The following TNS1 variants were observed in gnomAD, a reference collection of about 807,000 sequenced individuals.
TNS1 encodes tensin 1.
In TNS1, 62 loss-of-function variants were observed where a neutral mutation model predicts 168.6. That is an observed-to-expected ratio of 0.37 (90% CI 0.30 to 0.45). TNS1 has a LOEUF of 0.45. TNS1 is among the 20% of genes least tolerant of loss of function. TNS1 has a pLI of 1.00. For missense variants in TNS1, 2,240 were observed against 2,339.4 expected (o/e 0.96, Z 0.88); for synonymous variants, 934 against 933.2 (o/e 1.00, Z -0.02).
chr2:217,947,190 A>T (rs977608777), intron 3 of TNS1, among the ~76,000 whole-genome samples: 4 of 146,746 alleles, frequency 2.7e-5, no homozygotes, highest in Admixed American at 6.7e-5. Context: ...GCAGGATTGC[A>T]CATCTGGTTC....
upstream of TNS1, among the ~76,000 whole-genome samples, chr2:218,006,799 A>T (rs1958662137): frequency 6.6e-6 from 1 of 152,152 alleles, no homozygotes; most frequent in African/African-American, 2.4e-5. Context: ...AAATTGAAAA[A>T]ATACAAATTT....
At chr2:217,964,345 T>C (rs1182941768) in intron 3 of TNS1, among the ~76,000 whole-genome samples, 1 of 152,194 alleles carries the variant, frequency 6.6e-6, no homozygotes, top group African/African-American at 2.4e-5. Flanking sequence ...GCTGTGCAAC[T>C]TGTCCAGTGT....
intron 6 of TNS1, 71 bp from the exon 7 acceptor site, chr2:217,900,583 C>T: frequency 7.0e-7 from 1 of 1,436,352 alleles, no homozygotes; most frequent in South Asian, 1.2e-5. Flanking sequence ...CACCAGAGAG[C>T]TGTCCACGGG....
At chr2:217,994,350 T>G (rs1574469902) in intron 1 of TNS1, among the ~76,000 whole-genome samples, 2 of 149,092 alleles carry the variant, frequency 1.3e-5, no homozygotes, top group African/African-American at 2.5e-5. Context: ...GGCCTGGGGG[T>G]GGGGGAGGTG....
intron 4 of TNS1, among the ~76,000 whole-genome samples, chr2:217,907,792 G>A (rs1042116477): frequency 1.3e-5 from 2 of 152,232 alleles, no homozygotes; most frequent in Non-Finnish European, 2.9e-5. Context: ...CCCACCACTG[G>A]GCCTCACACA....
chr2:217,856,325 G>A (rs1362584583), intron 18 of TNS1, among the ~76,000 whole-genome samples: 2 of 152,166 alleles, frequency 1.3e-5, no homozygotes, highest in African/African-American at 4.8e-5. Context: ...CCCAGCATGT[G>A]GCTCCAGGAA....
chr2:217,851,604 A>AGGCCAGG (rs1553565859), intron 18 of TNS1, among the ~76,000 whole-genome samples: 6 of 152,232 alleles, frequency 3.9e-5, no homozygotes, highest in South Asian at 4.2e-4. Context: ...GTATTGCAGC[A>AGGCCAGG]GCCCAGGGCC....
rs1958909427 is a variant in TNS1 at position 218,032,944 on chromosome 2, T to G, written c.156+876A>C. 6.6e-6 allele frequency among the ~76,000 whole-genome samples: 1 copy of G among 152,056 alleles called. No homozygotes were observed. Among genetic ancestry groups the G allele is most frequent in the Non-Finnish European group, 1.5e-5 (1 of 67,976 alleles). ...ACACACCCTCCCCTCTTTCTCCCCT[T>G]GATCATCCACCTCCAGAGCCCCGGC... On this transcript the variant is annotated intron_variant, in intron 1 of 1. Transcript: ENST00000649572. The surrounding 1 kb of genome is among the most constrained non-coding windows in gnomAD (Gnocchi z 4.0).
chr2:217,966,268 C>CGTGTGT (rs3838555), intron 3 of TNS1, among the ~76,000 whole-genome samples: 1,869 of 140,766 alleles, frequency 0.013, 18 homozygotes, highest in South Asian at 0.029. Flanking sequence ...GAGCAGGCTG[C>CGTGTGT]GTGTGTGTGT....
At chr2:218,010,449 G>T, upstream of TNS1, 1 of 361,074 alleles carries the variant, frequency 2.8e-6, no homozygotes, top group East Asian at 4.0e-5. Flanking sequence ...CACGGGGCGC[G>T]GGCAGCAGGG....
chr2:217,898,405 C>A (rs370235355), intron 7 of TNS1, among the ~76,000 whole-genome samples: 1 of 152,214 alleles, frequency 6.6e-6, no homozygotes, highest in African/African-American at 2.4e-5. Context: ...GGAGAGCCTG[C>A]GCTGGGCGCT....
At chr2:217,925,537 T>A (rs1955973450) in intron 3 of TNS1, among the ~76,000 whole-genome samples, 2 of 152,220 alleles carry the variant, frequency 1.3e-5, no homozygotes, top group African/African-American at 2.4e-5. Flanking sequence ...TGCCCCTAGC[T>A]TAAACGAGAC....
chr2:217,805,472 A>ACAC (rs1938404602), intron 32 of TNS1, among the ~76,000 whole-genome samples: 3 of 76,142 alleles, frequency 3.9e-5, no homozygotes, highest in Admixed American at 1.5e-4. Context: ...ACCACCACAC[A>ACAC]CACCACACAC....
At chr2:217,900,194 T>C (rs993867439) in intron 7 of TNS1, among the ~76,000 whole-genome samples, 1 of 152,130 alleles carries the variant, frequency 6.6e-6, no homozygotes, top group East Asian at 1.9e-4. Flanking sequence ...GGGAATAAAA[T>C]ACGTACCTTG....
At chr2:217,868,187 T>C (rs1480569050) in intron 18 of TNS1, among the ~76,000 whole-genome samples, 1 of 152,256 alleles carries the variant, frequency 6.6e-6, no homozygotes. Context: ...TTTTTCCTTC[T>C]CTTCATCTTC....
intron 3 of TNS1, among the ~76,000 whole-genome samples, chr2:217,973,781 G>A (rs1017116587): frequency 2.6e-5 from 4 of 152,212 alleles, no homozygotes; most frequent in South Asian, 2.1e-4. Flanking sequence ...CTGCAAAGAC[G>A]AGGGAAAACA....
At chr2:217,982,199 T>A (rs187542924) in intron 2 of TNS1, among the ~76,000 whole-genome samples, 1 of 152,210 alleles carries the variant, frequency 6.6e-6, no homozygotes, top group African/African-American at 2.4e-5. Context: ...AGCCCCAGCT[T>A]GACAGCATTA....
chr2:217,847,118 A>G (rs750190267), intron 19 of TNS1, among the ~76,000 whole-genome samples: 4 of 152,208 alleles, frequency 2.6e-5, no homozygotes, highest in Admixed American at 6.5e-5. Flanking sequence ...CTGTACTCCA[A>G]CCCCAAAGTC....
intron 22 of TNS1, among the ~76,000 whole-genome samples, chr2:217,822,450 G>A (rs541658880): frequency 9.2e-5 from 14 of 152,228 alleles, no homozygotes; most frequent in African/African-American, 3.1e-4. Context: ...CTGCACTGGT[G>A]AGTCTTGCCC....
Sources: allele counts gnomAD v4.1 joint callset (sites outside exome capture counted in the v4.1 genomes callset), GRCh38; gene constraint gnomAD v4.1.1; non-coding constraint Gnocchi (gnomAD v3.1); transcripts MANE v1.5; gene names NCBI Gene and HGNC (gene_info 2026-07-23, HGNC 2026-07-21).